LRRTM4: variants seen among roughly 807,000 people sequenced by gnomAD.
LRRTM4 encodes the protein leucine-rich repeat transmembrane neuronal protein 4.
Under a neutral mutation model 47.6 loss-of-function variants are expected in LRRTM4, and 25 were observed. That is an observed-to-expected ratio of 0.53 (90% CI 0.38 to 0.73). LRRTM4 has a LOEUF of 0.73. Ranked by LOEUF, LRRTM4 falls within the 30% of genes least tolerant of loss-of-function variation. The pLI, the probability that LRRTM4 is intolerant of heterozygous loss-of-function variation, is 0.00. For synonymous variants in LRRTM4, 311 were observed against 269.5 expected, an observed-to-expected ratio of 1.15 and a Z score of -1.51; for missense variants, 638 against 713.4, an observed-to-expected ratio of 0.89 and a Z score of 1.20.
At chr2:77,400,452 C>A (rs1673906364) in intron 3 of LRRTM4, among the ~76,000 whole-genome samples, 1 of 151,788 alleles carries the variant, frequency 6.6e-6, no homozygotes, top group Non-Finnish European at 1.5e-5. Context: ...CCTTCTACCA[C>A]CTCTATAACA....
chr2:76,959,142 T>A (rs1436915975), intron 3 of LRRTM4, among the ~76,000 whole-genome samples: 1 of 151,740 alleles, frequency 6.6e-6, no homozygotes, highest in Non-Finnish European at 1.5e-5. Flanking sequence ...GTGCTGAAAT[T>A]TTAAATTTAA....
chr2:77,460,887 T>C (rs567663856), intron 3 of LRRTM4, among the ~76,000 whole-genome samples: 50 of 152,200 alleles, frequency 3.3e-4, no homozygotes, highest in Admixed American at 1.4e-3. Flanking sequence ...GGTGTGACAC[T>C]GGGAATTGCA....
At chr2:77,372,843 T>G (rs933961030) in intron 3 of LRRTM4, among the ~76,000 whole-genome samples, 4 of 151,312 alleles carry the variant, frequency 2.6e-5, no homozygotes, top group Admixed American at 6.6e-5. Flanking sequence ...GCATTGTGAG[T>G]TCAGAGTTCA....
intron 3 of LRRTM4, among the ~76,000 whole-genome samples, chr2:77,112,811 G>A (rs559885381): frequency 2.0e-5 from 3 of 152,198 alleles, no homozygotes; most frequent in South Asian, 2.1e-4. Context: ...CTGATCCAAT[G>A]TCTTCACAAG....
chr2:76,985,227 G>A (rs1001488840), intron 3 of LRRTM4, among the ~76,000 whole-genome samples: 5 of 151,974 alleles, frequency 3.3e-5, no homozygotes, highest in African/African-American at 1.2e-4. Flanking sequence ...AAAATTTGGT[G>A]AAAGAGTTTG....
chr2:77,079,109 G>C (rs1340784923), intron 3 of LRRTM4, among the ~76,000 whole-genome samples: 3 of 152,154 alleles, frequency 2.0e-5, no homozygotes, highest in African/African-American at 4.8e-5. Flanking sequence ...ATGAATTTTG[G>C]GGGATACAAA....
At chr2:76,823,466 A>T (rs1245985276) in intron 3 of LRRTM4, among the ~76,000 whole-genome samples, 1 of 151,462 alleles carries the variant, frequency 6.6e-6, no homozygotes, top group Admixed American at 6.6e-5. Flanking sequence ...GTATACAAGC[A>T]AAATTACATT....
chr2:77,284,303 T>A (rs562302917), intron 3 of LRRTM4, among the ~76,000 whole-genome samples: 2 of 152,252 alleles, frequency 1.3e-5, no homozygotes, highest in African/African-American at 4.8e-5. Context: ...TATAAAATAA[T>A]GTTCTGTTAA....
chr2:77,072,325 G>A (rs781260020), intron 3 of LRRTM4, among the ~76,000 whole-genome samples: 3 of 152,100 alleles, frequency 2.0e-5, no homozygotes, highest in African/African-American at 4.8e-5. Context: ...CCTGACTCAT[G>A]TCAGCATACT....
chr2:76,907,885 T>A (rs1248563817), intron 3 of LRRTM4, among the ~76,000 whole-genome samples: 1 of 143,898 alleles, frequency 6.9e-6, no homozygotes, highest in Non-Finnish European at 1.5e-5. Flanking sequence ...CAGGACCAGA[T>A]GGATTTACAG....
intron 3 of LRRTM4, among the ~76,000 whole-genome samples, chr2:77,001,371 T>C (rs1245130346): frequency 6.6e-6 from 1 of 152,170 alleles, no homozygotes; most frequent in Non-Finnish European, 1.5e-5. Flanking sequence ...ATGGAGATCC[T>C]GGGTCCCAAT....
intron 3 of LRRTM4, among the ~76,000 whole-genome samples, chr2:77,433,198 C>G (rs112396371): frequency 2.6e-5 from 4 of 152,180 alleles, no homozygotes; most frequent in African/African-American, 9.6e-5. Context: ...CGTACTGTAC[C>G]AACAGATAAA....
intron 3 of LRRTM4, among the ~76,000 whole-genome samples, chr2:77,390,316 T>C (rs1323687137): frequency 2.0e-5 from 3 of 152,016 alleles, no homozygotes; most frequent in African/African-American, 7.2e-5. Context: ...GACACACATA[T>C]TTACTAGTAA....
intron 3 of LRRTM4, among the ~76,000 whole-genome samples, chr2:77,123,082 C>T (rs1011484621): frequency 6.6e-6 from 1 of 151,628 alleles, no homozygotes; most frequent in Non-Finnish European, 1.5e-5. Context: ...TTTTTTCTAA[C>T]ACTGAATGCC....
At chr2:77,167,009 G>C (rs906952232) in intron 3 of LRRTM4, among the ~76,000 whole-genome samples, 1 of 152,100 alleles carries the variant, frequency 6.6e-6, no homozygotes, top group Non-Finnish European at 1.5e-5. Flanking sequence ...TACCATCAGA[G>C]TGAAGAGGCA....
chr2:77,325,794 A>C (rs1294305561), intron 3 of LRRTM4, among the ~76,000 whole-genome samples: 1 of 152,164 alleles, frequency 6.6e-6, no homozygotes, highest in African/African-American at 2.4e-5. Context: ...CATCAGCTTT[A>C]TCTATGGTTG....
chr2:77,458,541 T>G (rs1452611875), intron 3 of LRRTM4, among the ~76,000 whole-genome samples: 1 of 152,024 alleles, frequency 6.6e-6, no homozygotes, highest in Non-Finnish European at 1.5e-5. Context: ...TTGGTATAAA[T>G]CTGGGGAATA....
At chr2:77,489,473 T>C (rs1445667221) in intron 3 of LRRTM4, among the ~76,000 whole-genome samples, 1 of 152,244 alleles carries the variant, frequency 6.6e-6, no homozygotes, top group Non-Finnish European at 1.5e-5. Flanking sequence ...AATAGTTTGT[T>C]CACAAAAATA....
intron 3 of LRRTM4, among the ~76,000 whole-genome samples, chr2:77,439,176 AAAG>A (rs777577869): frequency 2.0e-5 from 3 of 152,170 alleles, no homozygotes; most frequent in Non-Finnish European, 2.9e-5. Flanking sequence ...TGCACCTATA[AAAG>A]AAGACTAAAA....
Sources: gnomAD v4.1 joint callset for allele counts (sites outside exome capture counted in the v4.1 genomes callset) on GRCh38, gnomAD v4.1.1 for gene constraint, MANE v1.5 for transcripts, NCBI Gene and HGNC (gene_info 2026-07-23, HGNC 2026-07-21) for gene names.